RHPN2: variants seen among roughly 807,000 people sequenced by gnomAD.
RHPN2 encodes the protein rhophilin Rho GTPase binding protein 2.
Under a neutral mutation model 79.0 loss-of-function variants are expected in RHPN2, and 40 were observed. That is an observed-to-expected ratio of 0.51 (90% CI 0.39 to 0.66). The LOEUF (loss-of-function observed/expected upper bound fraction) is 0.66. Among genes scored for constraint, RHPN2 ranks in the 30% least tolerant of loss-of-function variants. RHPN2 has a pLI of 0.00. For synonymous variants in RHPN2, 285 were observed against 363.5 expected (o/e 0.78, Z 2.46); for missense variants, 686 against 883.5 (o/e 0.78, Z 2.83).
intron 6 of RHPN2, 67 bp from the exon 7 acceptor site, chr19:33,008,247 ATTC>A: frequency 1.4e-6 from 2 of 1,461,530 alleles, no homozygotes; most frequent in Admixed American, 1.9e-5. Context: ...AGTGGAAAAA[ATTC>A]TTTTTTTTTT....
At chr19:33,030,840 A>G (rs1469886923) in intron 2 of RHPN2, among the ~76,000 whole-genome samples, 1 of 152,188 alleles carries the variant, frequency 6.6e-6, no homozygotes, top group East Asian at 1.9e-4. Flanking sequence ...CTCCCGGCGT[A>G]AGCACATACC....
intron 7 of RHPN2, among the ~76,000 whole-genome samples, chr19:33,004,806 C>T (rs1207419538): frequency 3.3e-5 from 5 of 151,650 alleles, no homozygotes; most frequent in Admixed American, 6.6e-5. Context: ...AGGCTGGTCT[C>T]GAACTCCTGA....
chr19:33,046,677 A>G (rs1014694797), intron 1 of RHPN2, among the ~76,000 whole-genome samples: 2 of 152,182 alleles, frequency 1.3e-5, no homozygotes, highest in Admixed American at 6.6e-5. Context: ...CAATTCATCT[A>G]CATCTCACCA....
At chr19:33,033,489 C>T (rs142354503) in intron 2 of RHPN2, among the ~76,000 whole-genome samples, 1 of 152,270 alleles carries the variant, frequency 6.6e-6, no homozygotes, top group African/African-American at 2.4e-5. Context: ...TCACTTGAAC[C>T]TGGGAAGCGA....
At chr19:33,045,823 T>C (rs1212512783) in intron 1 of RHPN2, among the ~76,000 whole-genome samples, 1 of 152,190 alleles carries the variant, frequency 6.6e-6, no homozygotes, top group African/African-American at 2.4e-5. Context: ...AAAAAGCAAG[T>C]AGCCATTAGC....
At chr19:33,050,826 C>T (rs376972509) in intron 1 of RHPN2, among the ~76,000 whole-genome samples, 1 of 149,830 alleles carries the variant, frequency 6.7e-6, no homozygotes, top group East Asian at 2.0e-4. Context: ...TTGCAGGCAC[C>T]CGCCACCACA....
chr19:33,038,523 C>A (rs187789438), intron 2 of RHPN2, among the ~76,000 whole-genome samples: 1 of 152,240 alleles, frequency 6.6e-6, no homozygotes, highest in East Asian at 1.9e-4. Context: ...GAGTCTCGCT[C>A]TGTCACCCAG....
At chr19:33,034,851 T>C (rs1469873831) in intron 2 of RHPN2, among the ~76,000 whole-genome samples, 3 of 149,818 alleles carry the variant, frequency 2.0e-5, no homozygotes, top group Non-Finnish European at 3.0e-5. Context: ...ATGATCCTAG[T>C]GCTTTGAGAG....
At chr19:32,981,875 T>C (rs1232337715) in intron 14 of RHPN2, among the ~76,000 whole-genome samples, 2 of 151,962 alleles carry the variant, frequency 1.3e-5, no homozygotes, top group African/African-American at 4.8e-5. Context: ...GCTGAAACTT[T>C]GTACCATTAA....
intron 7 of RHPN2, among the ~76,000 whole-genome samples, chr19:33,004,253 C>G (rs1971773417): frequency 6.6e-6 from 1 of 152,104 alleles, no homozygotes; most frequent in South Asian, 2.1e-4. Flanking sequence ...GTTGCTCAGA[C>G]TGGTCTCCAC....
rs758073522 is a variant in RHPN2 at position 32,988,212 on chromosome 19, C to CA, written c.1800+2301dup. On this transcript the variant is annotated intron_variant, in intron 14 of 14. Transcript: ENST00000254260. ...GACCCTGTCTCAAAAACAACAACAA[C>CA]AAAAAAAAAAACAAAACAAACAAAA... is the stretch of plus-strand genomic sequence containing the variant. Among the ~76,000 whole-genome samples, 456 of 138,720 alleles carry CA rather than the reference C, an allele frequency of 3.3e-3. 2 individuals carry two copies. The highest frequency in any genetic ancestry group is 6.4e-3 in the Admixed American group (91 of 14,198). 91.0% of individuals were successfully genotyped at this position (138,720 alleles called of 152,430 possible). A position where few individuals can be genotyped will look rare whatever the true frequency, so the allele number is the denominator to read the frequency against.
At chr19:33,008,294 C>T (rs1971810097) in intron 6 of RHPN2, 114 bp from the exon 7 acceptor site, 3 of 1,069,100 alleles carry the variant, frequency 2.8e-6, no homozygotes, top group South Asian at 2.8e-5. Flanking sequence ...CTCTGTTGCC[C>T]AGGCTGGAGT....
intron 1 of RHPN2, among the ~76,000 whole-genome samples, chr19:33,046,406 C>T (rs1306113318): frequency 1.3e-5 from 2 of 152,100 alleles, no homozygotes; most frequent in East Asian, 1.9e-4. Context: ...GCTGGGATTA[C>T]AGGCGTGCAC....
Position 33,014,035 on chromosome 19 carries a change from A to C in RHPN2, c.391-1311T>G, listed in dbSNP as rs562090988. ...GGACCACAGGCACGTGCCACAAGCT[A>C]ATTTCATTTTTGTGTTTTTTAATAG... On this transcript the variant is annotated intron_variant, in intron 4 of 14. Transcript: ENST00000254260. 2.6e-5 allele frequency among the ~76,000 whole-genome samples: 4 copies of C among 151,428 alleles called. No individual in the cohort carries two copies. The Admixed American group carries it at 2.6e-4, about 10-fold the overall frequency.
chr19:33,042,507 G>A (rs1369189240), intron 2 of RHPN2, among the ~76,000 whole-genome samples: 2 of 152,152 alleles, frequency 1.3e-5, no homozygotes, highest in African/African-American at 2.4e-5. Flanking sequence ...AAGCCAAAAC[G>A]CTACAGTATT....
intron 14 of RHPN2, among the ~76,000 whole-genome samples, chr19:32,987,689 C>T (rs1452923992): frequency 1.3e-5 from 2 of 152,234 alleles, no homozygotes; most frequent in African/African-American, 2.4e-5. Flanking sequence ...TTTTGTCTCA[C>T]AGCCTCAAAT....
Position 33,010,385 on chromosome 19 carries a change from G to GTT in RHPN2, c.593+1292_593+1293dup, listed in dbSNP as rs34076809. 3.7e-3 allele frequency among the ~76,000 whole-genome samples: 522 copies of GTT among 140,576 alleles called. 2 individuals are homozygous for GTT. Among genetic ancestry groups the GTT allele is most frequent in the Middle Eastern group, 0.025 (7 of 280 alleles). 92.2% of individuals were successfully genotyped at this position (140,576 alleles called of 152,430 possible). On this transcript the variant is annotated intron_variant, in intron 6 of 14. Transcript: ENST00000254260. ...TCTCCAAAGTACTTTTTTTTAGGTT[G>GTT]TTTTTTTTTTTTTTTGACACAGAGT... is the stretch of plus-strand genomic sequence containing the variant.
At chr19:33,012,554 G>T in intron 5 of RHPN2, 93 bp downstream of exon 5, 1 of 838,658 alleles carries the variant, frequency 1.2e-6, no homozygotes, top group Non-Finnish European at 2.1e-6. Flanking sequence ...CTATCCACCC[G>T]CGATTCTGTT....
intron 4 of RHPN2, among the ~76,000 whole-genome samples, chr19:33,013,409 G>T (rs1971853171): frequency 6.6e-6 from 1 of 151,790 alleles, no homozygotes; most frequent in South Asian, 2.1e-4. Flanking sequence ...TGCCCAGGCT[G>T]GTCTCAAACT....
Sources: gnomAD v4.1 joint callset for allele counts (sites outside exome capture counted in the v4.1 genomes callset) on GRCh38, gnomAD v4.1.1 for gene constraint, MANE v1.5 for transcripts, NCBI Gene and HGNC (gene_info 2026-07-23, HGNC 2026-07-21) for gene names.